CREB5: variants seen among roughly 807,000 people sequenced by gnomAD.
CREB5 encodes the protein cyclic AMP-responsive element-binding protein 5.
CREB5 carries 19 observed loss-of-function variants against 57.1 expected under a neutral mutation model. The ratio of observed to expected loss-of-function variants is 0.33; its 90% CI spans 0.23 to 0.49. The LOEUF is 0.49. CREB5 is among the 20% of genes least tolerant of loss of function. The pLI is 0.99. For synonymous variants in CREB5, 238 were observed against 238.3 expected, an observed-to-expected ratio of 1.00 and a Z score of 0.01; for missense variants, 579 against 671.6, an observed-to-expected ratio of 0.86 and a Z score of 1.52.
chr7:28,794,896 C>A (rs1807938469), intron 7 of CREB5, among the ~76,000 whole-genome samples: 1 of 152,172 alleles, frequency 6.6e-6, no homozygotes, highest in South Asian at 2.1e-4. Flanking sequence ...GGATGTTCGT[C>A]CCAGTGTTAC....
chr7:28,569,584 C>T (rs996871630), intron 4 of CREB5, among the ~76,000 whole-genome samples: 8 of 152,160 alleles, frequency 5.3e-5, no homozygotes, highest in African/African-American at 1.9e-4. Flanking sequence ...TTTATTCATG[C>T]TATTAATATA....
intron 2 of CREB5, among the ~76,000 whole-genome samples, chr7:28,494,412 T>C (rs925050109): frequency 1.3e-5 from 2 of 152,222 alleles, no homozygotes; most frequent in African/African-American, 2.4e-5. Context: ...ACCTTCAGTA[T>C]TGTTCATTTA....
At chr7:28,817,276 A>G (rs545498814) in intron 9 of CREB5, among the ~76,000 whole-genome samples, 1 of 152,260 alleles carries the variant, frequency 6.6e-6, no homozygotes, top group East Asian at 1.9e-4. Context: ...CAGCTGACCA[A>G]CATGTGTACT....
chr7:28,379,811 A>G (rs1213014177), intron 1 of CREB5, among the ~76,000 whole-genome samples: 1 of 152,176 alleles, frequency 6.6e-6, no homozygotes, highest in East Asian at 1.9e-4. Flanking sequence ...CACCACTTGG[A>G]ATCTGTCAGA....
chr7:28,429,794 C>A (rs1269098657), intron 1 of CREB5, among the ~76,000 whole-genome samples: 2 of 152,160 alleles, frequency 1.3e-5, no homozygotes, highest in Non-Finnish European at 2.9e-5. Flanking sequence ...TTTATAGTGA[C>A]CTTTGACAAG....
intron 5 of CREB5, among the ~76,000 whole-genome samples, chr7:28,694,720 A>AC (rs1467973943): frequency 6.6e-6 from 1 of 151,854 alleles, no homozygotes; most frequent in African/African-American, 2.4e-5. Flanking sequence ...TATGTTTTTA[A>AC]TTTTTTTGTG....
intron 4 of CREB5, among the ~76,000 whole-genome samples, chr7:28,508,857 TA>T (rs753423849): frequency 2.0e-5 from 3 of 152,308 alleles, no homozygotes; most frequent in Non-Finnish European, 4.4e-5. Flanking sequence ...TTTTCTTTTT[TA>T]AACAAGCACT....
chr7:28,560,064 A>G (rs1795019366), intron 4 of CREB5, among the ~76,000 whole-genome samples: 1 of 152,242 alleles, frequency 6.6e-6, no homozygotes, highest in South Asian at 2.1e-4. Context: ...GATAATATGT[A>G]TGTTACTAAA....
At chr7:28,306,242 A>G (rs1043290895) in intron 1 of CREB5, among the ~76,000 whole-genome samples, 1 of 152,160 alleles carries the variant, frequency 6.6e-6, no homozygotes, top group Non-Finnish European at 1.5e-5. Context: ...TTGTTTACGG[A>G]GAGCTCTTTA....
intron 9 of CREB5, among the ~76,000 whole-genome samples, chr7:28,816,059 A>ACG (rs1334177591): frequency 6.8e-6 from 1 of 147,312 alleles, no homozygotes; most frequent in African/African-American, 2.5e-5. Flanking sequence ...ATATACGCAC[A>ACG]CACACACACA....
intron 4 of CREB5, among the ~76,000 whole-genome samples, chr7:28,539,708 C>T (rs1201937339): frequency 6.6e-6 from 1 of 152,210 alleles, no homozygotes; most frequent in Non-Finnish European, 1.5e-5. Context: ...ACCTCAGTCA[C>T]TAAGTTTCAG....
intron 5 of CREB5, among the ~76,000 whole-genome samples, chr7:28,655,356 T>G (rs1009230042): frequency 6.6e-6 from 1 of 152,160 alleles, no homozygotes; most frequent in African/African-American, 2.4e-5. Context: ...CCCATAATCC[T>G]AGCCCTTTGG....
At chr7:28,774,623 T>C (rs1181768125) in intron 7 of CREB5, among the ~76,000 whole-genome samples, 1 of 152,232 alleles carries the variant, frequency 6.6e-6, no homozygotes, top group Non-Finnish European at 1.5e-5. Context: ...ACGTATTTTC[T>C]AGTTTTGATT....
intron 1 of CREB5, among the ~76,000 whole-genome samples, chr7:28,381,496 A>G (rs1786966463): frequency 6.6e-6 from 1 of 152,224 alleles, no homozygotes; most frequent in Non-Finnish European, 1.5e-5. Flanking sequence ...GATTTCTCAT[A>G]GGGTTGGCAT....
intron 4 of CREB5, among the ~76,000 whole-genome samples, chr7:28,567,148 A>G (rs185962938): frequency 1.3e-5 from 2 of 152,276 alleles, no homozygotes; most frequent in African/African-American, 2.4e-5. Flanking sequence ...TGGAAGCTCA[A>G]CTCTCAGCAT....
intron 1 of CREB5, among the ~76,000 whole-genome samples, chr7:28,353,430 A>G: frequency 6.6e-6 from 1 of 152,222 alleles, no homozygotes; most frequent in Non-Finnish European, 1.5e-5. Context: ...ATGGCTTCTC[A>G]GAAATGAGTT....
chr7:28,450,001 G>A (rs1218843777), intron 1 of CREB5, among the ~76,000 whole-genome samples: 2 of 152,164 alleles, frequency 1.3e-5, no homozygotes, highest in Admixed American at 6.5e-5. Flanking sequence ...TCAGTCAATG[G>A]TGAGATCGAA....
chr7:28,708,196 G>C (rs1321136903), intron 5 of CREB5, among the ~76,000 whole-genome samples: 1 of 152,132 alleles, frequency 6.6e-6, no homozygotes, highest in East Asian at 1.9e-4. Flanking sequence ...TGTTTCCTTG[G>C]AGAATAAGTG....
At chr7:28,425,168 G>T (rs1409959219) in intron 1 of CREB5, among the ~76,000 whole-genome samples, 3 of 151,952 alleles carry the variant, frequency 2.0e-5, no homozygotes, top group Non-Finnish European at 2.9e-5. Context: ...AGGGTTACTT[G>T]TAATGGCCAA....
Sources: gnomAD v4.1 joint callset for allele counts (sites outside exome capture counted in the v4.1 genomes callset) on GRCh38, gnomAD v4.1.1 for gene constraint, MANE v1.5 for transcripts, NCBI Gene and HGNC (gene_info 2026-07-23, HGNC 2026-07-21) for gene names.